Variants in HACE1 observed in about 807,000 individuals in gnomAD.
The protein encoded by HACE1 is E3 ubiquitin-protein ligase HACE1.
Under a neutral mutation model 118.4 loss-of-function variants are expected in HACE1, and 73 were observed. The observed-to-expected ratio is 0.62, with a 90% CI of 0.51 to 0.75. HACE1 has a LOEUF of 0.75. HACE1 is among the 30% of genes least tolerant of loss of function. The probability of loss-of-function intolerance (pLI) is 0.00; values close to 1 mark genes in which losing one functional copy is unlikely to be tolerated. For synonymous variants in HACE1, 368 were observed against 374.8 expected (o/e 0.98, Z 0.21); for missense variants, 749 against 1,102.2 (o/e 0.68, Z 4.54).
chr6:104,741,129 C>T (rs201937921), intron 22 of HACE1, among the ~76,000 whole-genome samples: 8,671 of 60,492 alleles, frequency 0.14, 1,187 homozygotes, highest in African/African-American at 0.3. Context: ...CTAAAAACTC[C>T]CAATAAATTA....
At chr6:104,793,266 CA>C (rs397887197) in intron 10 of HACE1, among the ~76,000 whole-genome samples, 370 of 92,862 alleles carry the variant, frequency 4.0e-3, no homozygotes, top group East Asian at 7.4e-3. Flanking sequence ...GACTACATCT[CA>C]AAAAAAAAAA....
intron 11 of HACE1, among the ~76,000 whole-genome samples, chr6:104,788,072 G>C (rs964799694): frequency 6.6e-6 from 1 of 151,984 alleles, no homozygotes; most frequent in Admixed American, 6.6e-5. Context: ...AGAATACTAT[G>C]AAAATAACTT....
At chr6:104,819,379 TATCAGAG>T (rs1194678535) in intron 6 of HACE1, among the ~76,000 whole-genome samples, 2 of 152,086 alleles carry the variant, frequency 1.3e-5, no homozygotes, top group Non-Finnish European at 2.9e-5. Flanking sequence ...TGATCAAAGA[TATCAGAG>T]ATGACACAAA....
intron 4 of HACE1, among the ~76,000 whole-genome samples, chr6:104,845,158 G>A (rs1252158946): frequency 6.6e-6 from 1 of 151,840 alleles, no homozygotes; most frequent in Non-Finnish European, 1.5e-5. Flanking sequence ...GAATGGCAGA[G>A]TATATACTAT....
At chr6:104,814,472 TTAAC>T (rs1771917626) in intron 6 of HACE1, among the ~76,000 whole-genome samples, 1 of 138,480 alleles carries the variant, frequency 7.2e-6, no homozygotes, top group African/African-American at 2.9e-5. Flanking sequence ...AAAAACATGT[TTAAC>T]TATTTTATAA....
intron 6 of HACE1, among the ~76,000 whole-genome samples, chr6:104,821,704 T>C (rs1390323166): frequency 6.6e-6 from 1 of 152,188 alleles, no homozygotes; most frequent in Non-Finnish European, 1.5e-5. Flanking sequence ...GAAGCAGGGA[T>C]TAAAACCCAA....
At chr6:104,750,609 C>A (rs1029013520) in intron 19 of HACE1, 137 bp from the exon 20 acceptor site, 178 of 805,164 alleles carry the variant, frequency 2.2e-4, no homozygotes, top group South Asian at 4.5e-4. Flanking sequence ...AGCAAATCAG[C>A]AAGCCACTAT....
chr6:104,793,232 A>T (rs947768294), intron 10 of HACE1, among the ~76,000 whole-genome samples: 2 of 146,144 alleles, frequency 1.4e-5, no homozygotes, highest in African/African-American at 2.6e-5. Flanking sequence ...GCGCCACTGC[A>T]CTCCAGCCTG....
At chr6:104,822,346 G>A (rs1772837718) in intron 6 of HACE1, among the ~76,000 whole-genome samples, 1 of 147,896 alleles carries the variant, frequency 6.8e-6, no homozygotes. Flanking sequence ...CCACGCCACT[G>A]CACCCCAGCC....
At position 104,849,126 on chromosome 6, in the gene HACE1, A is replaced by G; in HGVS notation, c.326+16T>C. On this transcript the variant is annotated intron_variant, in intron 4 of 23. Coordinates refer to ENST00000262903, the MANE Select transcript of HACE1 (RefSeq NM_020771.4). ...GATAATACAACTTAAGCCACTTAAG[A>G]AAACTAAATAGTTACCCATTTCTTG... 1 of 1,407,476 alleles carries G rather than the reference A, an allele frequency of 7.1e-7. No homozygotes were observed. The highest frequency in any genetic ancestry group is 2.3e-5 in the East Asian group (1 of 43,898). The allele number at this position is 1,407,476 out of a possible 1,614,324, so 87.2% of individuals were successfully genotyped here. A position where few individuals can be genotyped will look rare whatever the true frequency, so the allele number is the denominator to read the frequency against.
At chr6:104,793,094 C>T (rs372362036) in intron 10 of HACE1, among the ~76,000 whole-genome samples, 1 of 151,044 alleles carries the variant, frequency 6.6e-6, no homozygotes, top group South Asian at 2.1e-4. Context: ...AGTGAAACCC[C>T]GTCTCTACTA....
At chr6:104,852,447 T>G (rs879329316) in intron 1 of HACE1, 76 bp from the exon 2 acceptor site, 16 of 899,366 alleles carry the variant, frequency 1.8e-5, no homozygotes, top group Middle Eastern at 2.4e-4. Flanking sequence ...AGTTTAGAAT[T>G]TTCCTAACTC....
intron 6 of HACE1, among the ~76,000 whole-genome samples, chr6:104,823,100 C>A (rs1261887612): frequency 2.6e-5 from 4 of 152,050 alleles, no homozygotes; most frequent in African/African-American, 9.7e-5. Context: ...TTTAATATAT[C>A]CTACAAAGAC....
chr6:104,849,358 A>C (rs1044316044), intron 3 of HACE1, 112 bp from the exon 4 acceptor site: 1 of 763,028 alleles, frequency 1.3e-6, no homozygotes, highest in African/African-American at 1.7e-5. Context: ...TTTGTTTTTC[A>C]GACAGTCTTG....
At chr6:104,840,373 G>A (rs1175702202) in intron 5 of HACE1, among the ~76,000 whole-genome samples, 1 of 152,150 alleles carries the variant, frequency 6.6e-6, no homozygotes, top group Non-Finnish European at 1.5e-5. Context: ...GGGATACAAG[G>A]CTAATGTGCT....
intron 7 of HACE1, among the ~76,000 whole-genome samples, chr6:104,800,921 G>A (rs1452072919): frequency 1.3e-5 from 2 of 152,160 alleles, no homozygotes; most frequent in African/African-American, 4.8e-5. Flanking sequence ...ACTTCTCCGA[G>A]CTAAAGGAGG....
Position 104,777,121 on chromosome 6 carries a change from A to C in HACE1, c.1679-11T>G. On this transcript the variant is annotated splice_polypyrimidine_tract_variant and intron_variant, in intron 15 of 23. Coordinates refer to ENST00000262903, the MANE Select transcript of HACE1 (RefSeq NM_020771.4). The stretch of plus-strand genomic sequence containing the variant: ...TCCTAAAAATAGAATCTAAATATGT[A>C]GCATTGGTTAATTTTACATATTAAA... 1 of 1,580,106 alleles carries C rather than the reference A, an allele frequency of 6.3e-7. No individual in the cohort carries two copies. The highest frequency in any genetic ancestry group is 8.7e-7 in the Non-Finnish European group (1 of 1,149,246).
chr6:104,854,045 G>T (rs919846276), intron 1 of HACE1, among the ~76,000 whole-genome samples: 1 of 152,094 alleles, frequency 6.6e-6, no homozygotes, highest in Non-Finnish European at 1.5e-5. Flanking sequence ...TGTGCCTCCC[G>T]CAACTGAAAC....
At chr6:104,792,125 T>C (rs778465862) in intron 10 of HACE1, among the ~76,000 whole-genome samples, 1 of 152,100 alleles carries the variant, frequency 6.6e-6, no homozygotes, top group Non-Finnish European at 1.5e-5. Flanking sequence ...TAATCCCATA[T>C]CCCCTTCCCA....
Sources: gnomAD v4.1 joint callset for allele counts (sites outside exome capture counted in the v4.1 genomes callset) on GRCh38, gnomAD v4.1.1 for gene constraint, MANE v1.5 for transcripts, NCBI Gene and HGNC (gene_info 2026-07-23, HGNC 2026-07-21) for gene names.